The following THRB variants were observed in gnomAD, a reference collection of about 807,000 sequenced individuals.
The protein encoded by THRB is nuclear receptor subfamily 1 group A member 2.
In THRB, 12 loss-of-function variants were observed where a neutral mutation model predicts 47.8. The observed-to-expected ratio is 0.25, with a 90% CI of 0.16 to 0.41. THRB has a LOEUF of 0.41. Among genes scored for constraint, THRB ranks in the 10% least tolerant of loss-of-function variants. THRB has a pLI of 1.00. For missense variants in THRB, 348 were observed against 589.2 expected (o/e 0.59, Z 4.24); for synonymous variants, 218 against 212.2 (o/e 1.03, Z -0.24).
chr3:24,159,473 C>T (rs149255355), intron 5 of THRB, among the ~76,000 whole-genome samples: 3 of 152,138 alleles, frequency 2.0e-5, no homozygotes, highest in East Asian at 1.9e-4. Context: ...TTATGTTGCA[C>T]GTATATATGG....
At chr3:24,383,623 G>A (rs1465874754) in intron 1 of THRB, among the ~76,000 whole-genome samples, 1 of 152,076 alleles carries the variant, frequency 6.6e-6, no homozygotes, top group East Asian at 1.9e-4. Flanking sequence ...CTATAATCAT[G>A]TCTCTGAGGG....
intron 1 of THRB, among the ~76,000 whole-genome samples, chr3:24,349,954 G>T (rs981564621): frequency 1.3e-5 from 2 of 151,894 alleles, no homozygotes; most frequent in African/African-American, 4.8e-5. Context: ...TGAAAAGTGG[G>T]AAACAATAAT....
intron 3 of THRB, among the ~76,000 whole-genome samples, chr3:24,255,207 A>G (rs999636537): frequency 1.3e-5 from 2 of 152,210 alleles, no homozygotes; most frequent in African/African-American, 4.8e-5. Context: ...CAAATATGCC[A>G]TAACTGTTTG....
At chr3:24,468,942 C>A (rs139485077) in intron 1 of THRB, among the ~76,000 whole-genome samples, 79 of 152,220 alleles carry the variant, frequency 5.2e-4, no homozygotes, top group East Asian at 1.4e-3. Context: ...GCACATAGAT[C>A]TTAATTTATT....
intron 5 of THRB, among the ~76,000 whole-genome samples, chr3:24,188,886 A>ATATATATATAT (rs1559548533): frequency 2.9e-5 from 2 of 68,288 alleles, no homozygotes; most frequent in African/African-American, 2.5e-4. Context: ...TATATATATG[A>ATATATATATAT]GAGAAAGAGA....
chr3:24,143,857 C>G lies in THRB; in HGVS notation c.533-151G>C, dbSNP rs952382533. The G allele has an allele frequency of 9.5e-6, 7 of 738,558 alleles. No individual in the cohort carries two copies. In the African/African-American group the frequency reaches 1.0e-4, roughly 11 times the overall value. 45.8% of individuals were successfully genotyped at this position (738,558 alleles called of 1,614,324 possible). On this transcript the variant is annotated intron_variant, in intron 7 of 10. Coordinates refer to ENST00000646209, the MANE Select transcript of THRB (RefSeq NM_001354712.2). ...GGGTCACACTGGGACAGTTTCTCTC[C>G]TCACCAGCAAACTGCCATTGACTAG... is the stretch of plus-strand genomic sequence containing the variant.
At chr3:24,222,578 G>C (rs2047262398) in intron 4 of THRB, among the ~76,000 whole-genome samples, 1 of 152,194 alleles carries the variant, frequency 6.6e-6, no homozygotes, top group African/African-American at 2.4e-5. Context: ...ATCTGTGGGA[G>C]AGATGTCTGA....
At chr3:24,251,746 T>C (rs1358938554) in intron 3 of THRB, among the ~76,000 whole-genome samples, 2 of 152,000 alleles carry the variant, frequency 1.3e-5, no homozygotes, top group Non-Finnish European at 2.9e-5. Context: ...GATTATTTCA[T>C]AGATAAAAAA....
intron 5 of THRB, among the ~76,000 whole-genome samples, chr3:24,155,758 A>G (rs1048627375): frequency 2.6e-5 from 4 of 152,226 alleles, no homozygotes; most frequent in Non-Finnish European, 5.9e-5. Context: ...AAGAGTGGAC[A>G]CTGATGAGTG....
At chr3:24,220,899 C>T (rs546276474) in intron 4 of THRB, among the ~76,000 whole-genome samples, 6 of 152,292 alleles carry the variant, frequency 3.9e-5, no homozygotes, top group African/African-American at 1.4e-4. Flanking sequence ...ACTGAACAGT[C>T]TGCTGTGGCG....
In THRB at chr3:24,143,640, C is replaced by A; in HGVS notation, c.599G>T (p.Arg200Leu). 1 of 1,614,182 alleles carries A rather than the reference C, an allele frequency of 6.2e-7. No homozygotes were observed. The highest frequency in any genetic ancestry group is 8.5e-7 in the Non-Finnish European group (1 of 1,180,028). ...GATGGACTTCTGCAGCTCTTCCCGC[C>A]GTCTTTTCTCCCGGTTCTCCTCTAT... ...KLIEENREKR[R>L]REELQKSIGH... Residue 200 changes from arginine (R) to leucine (L), a missense_variant, in exon 8 of 11, where the codon CGG becomes CTG. Physicochemically the swap from Arg to Leu is moderately radical, Grantham distance 102. This residue lies in a region of THRB where 112 missense variants were observed against 212.3 expected (regional missense o/e 0.53). Coordinates refer to ENST00000646209, the MANE Select transcript of THRB (RefSeq NM_001354712.2).
In THRB at chr3:24,212,002, G is replaced by A. The variant is rs111297312; in HGVS notation, c.22+16936C>T. ...ATTGAGGCTGGGCACGGTGGTTCAC[G>A]CCTGTAATCCCAGCACTTTGGGAGG... is the stretch of plus-strand genomic sequence containing the variant. On this transcript the variant is annotated intron_variant, in intron 4 of 10. Coordinates refer to ENST00000646209, the MANE Select transcript of THRB (RefSeq NM_001354712.2). Among the ~76,000 whole-genome samples, 1,137 of 152,284 alleles carry A rather than the reference G, an allele frequency of 7.5e-3. 13 individuals are homozygous for A. The highest frequency in any genetic ancestry group is 0.037 in the South Asian group (179 of 4,824).
chr3:24,487,220 T>A (rs1697435370), intron 1 of THRB, among the ~76,000 whole-genome samples: 1 of 152,084 alleles, frequency 6.6e-6, no homozygotes, highest in Non-Finnish European at 1.5e-5. Context: ...CATTTGTCAC[T>A]TTTTATGAAC....
chr3:24,292,371 A>G (rs1415507506), intron 3 of THRB, among the ~76,000 whole-genome samples: 1 of 152,156 alleles, frequency 6.6e-6, no homozygotes, highest in Non-Finnish European at 1.5e-5. Context: ...CCAGGGCCAT[A>G]GTAGCTGTAA....
rs537957175 is a variant in THRB, at chr3:24,311,955, C to A, written c.-188-14584G>T. ...CACAGGCCACCAATTACTTCTCATA[C>A]CTTGCTCCTCTTCTCTCCACTTCCT... On this transcript the variant is annotated intron_variant, in intron 2 of 10. Coordinates refer to ENST00000646209, the MANE Select transcript of THRB (RefSeq NM_001354712.2). Among the ~76,000 whole-genome samples the A allele has an allele frequency of 1.4e-3, 220 of 152,314 alleles. 1 individual carries two copies. The highest frequency in any genetic ancestry group is 6.8e-3 in the Middle Eastern group (2 of 294).
chr3:24,322,348 C>T (rs1314072289), intron 2 of THRB, among the ~76,000 whole-genome samples: 5 of 152,098 alleles, frequency 3.3e-5, no homozygotes, highest in Non-Finnish European at 5.9e-5. Flanking sequence ...AAAACAGTAA[C>T]GGTTTTAAAG....
At chr3:24,239,118 T>C (rs181941353) in intron 3 of THRB, among the ~76,000 whole-genome samples, 1 of 152,304 alleles carries the variant, frequency 6.6e-6, no homozygotes, top group African/African-American at 2.4e-5. Context: ...AGTTTTGTAT[T>C]TTAAGTAGAC....
chr3:24,210,572 A>G (rs1313944358), intron 4 of THRB, among the ~76,000 whole-genome samples: 1 of 152,168 alleles, frequency 6.6e-6, no homozygotes. Flanking sequence ...ACAAAGAATT[A>G]TCTGTCCCCA....
intron 8 of THRB, among the ~76,000 whole-genome samples, chr3:24,134,839 G>A (rs185098899): frequency 3.9e-5 from 6 of 152,238 alleles, no homozygotes; most frequent in Admixed American, 1.3e-4. Context: ...GCACCCAGGG[G>A]CTTGGAGATG....
Sources: allele counts gnomAD v4.1 joint callset (sites outside exome capture counted in the v4.1 genomes callset), GRCh38; gene constraint gnomAD v4.1.1; regional missense constraint gnomAD v4.1.1; transcripts MANE v1.5; gene names NCBI Gene and HGNC (gene_info 2026-07-23, HGNC 2026-07-21).